Variants in PABIR3 observed in about 807,000 individuals in gnomAD.
The protein encoded by PABIR3 is PABIR family member 3.
A neutral mutation model predicts 23.1 loss-of-function variants in PABIR3; 20 were observed. That is an observed-to-expected ratio of 0.86 (90% CI 0.61 to 1.26). PABIR3 has a LOEUF of 1.26. Ranked by LOEUF, PABIR3 falls within the 50% of genes most tolerant of loss-of-function variation. The pLI is 0.00. For missense variants in PABIR3, 189 were observed against 195.4 expected (o/e 0.97, Z 0.20); for synonymous variants, 69 against 68.5 (o/e 1.01, Z -0.04).
chrX:134,809,375 C>G, intron 2 of PABIR3: 1 of 257,693 alleles, frequency 3.9e-6, no homozygotes, highest in Non-Finnish European at 5.4e-6. Context: ...CCGTGTTAGC[C>G]AGGATGGTCT....
chrX:134,821,332 T>G, intron 3 of PABIR3: 1 of 1,149,823 alleles, frequency 8.7e-7, no homozygotes, highest in Non-Finnish European at 1.1e-6. Flanking sequence ...CTCAGGAAAT[T>G]ACTTCACCCA....
Position 134,849,212 on chromosome X carries a change from A to G in PABIR3, c.573A>G (p.Gly191=), listed in dbSNP as rs1327809140. ...ACATTATTAGACCAAGTATCCTTGGACCATTAAAAAGAAAAGGTACTTTTA... is the reference window on the plus strand; with the variant it reads ...ACATTATTAGACCAAGTATCCTTGGGCCATTAAAAAGAAAAGGTACTTTTA... ...PTNIIRPSIL[G]PLKRKGEMAF... Residue 191 remains glycine, a synonymous_variant, in exon 9 of 11, where the codon GGA becomes GGG. Transcript: ENST00000645433. 8.5e-6 allele frequency: 8 copies of G among 941,504 alleles called. No individual in the cohort carries two copies. In the East Asian group the frequency reaches 2.0e-4, roughly 24 times the overall value. The allele number at this position is 941,504 out of a possible 1,213,427, so 77.6% of individuals were successfully genotyped here.
chrX:134,847,516 G>C (rs1339829771), intron 7 of PABIR3, 41 bp downstream of exon 7: 2 of 978,130 alleles, frequency 2.0e-6, no homozygotes, highest in Non-Finnish European at 2.9e-6. Flanking sequence ...TCTTGAAATA[G>C]TTAGGAAATA....
intron 3 of PABIR3, among the ~76,000 whole-genome samples, chrX:134,820,614 A>G (rs1457443726): frequency 1.8e-5 from 2 of 111,803 alleles, no homozygotes; most frequent in Non-Finnish European, 3.8e-5. Context: ...AACAGTGGGA[A>G]TGTACCTAAC....
chrX:134,813,825 G>A (rs1279104413), intron 2 of PABIR3, among the ~76,000 whole-genome samples: 1 of 110,948 alleles, frequency 9.0e-6, no homozygotes, highest in Non-Finnish European at 1.9e-5. Flanking sequence ...GTTCACTTGA[G>A]TGGGCAACCA....
chrX:134,807,850 C>T, intron 2 of PABIR3, 142 bp downstream of exon 2: 1 of 653,962 alleles, frequency 1.5e-6, no homozygotes. Context: ...AGATCCCACC[C>T]TCAACCTTGG....
chrX:134,822,196 A>C (rs2081323121), intron 3 of PABIR3: 1 of 751,040 alleles, frequency 1.3e-6, no homozygotes, highest in Admixed American at 8.9e-5. Context: ...ACAGTGGGAA[A>C]TTTACACAAA....
downstream of PABIR3, among the ~76,000 whole-genome samples, chrX:134,858,934 AAC>A (rs1309161226): frequency 8.9e-6 from 1 of 112,134 alleles, no homozygotes; most frequent in East Asian, 2.8e-4. Flanking sequence ...TACAGTCATT[AAC>A]TAAATCCTAT....
chrX:134,836,138 A>AT (rs2081965972), intron 4 of PABIR3, among the ~76,000 whole-genome samples: 1 of 111,367 alleles, frequency 9.0e-6, no homozygotes, highest in South Asian at 3.7e-4. Context: ...ACGCCTGGCC[A>AT]TTTTTTTAAA....
chrX:134,845,745 G>A (rs1018468007), intron 6 of PABIR3, among the ~76,000 whole-genome samples: 6 of 111,825 alleles, frequency 5.4e-5, no homozygotes, highest in African/African-American at 1.9e-4. Context: ...ATCATTATTT[G>A]AAAGTGGGGT....
intron 4 of PABIR3, among the ~76,000 whole-genome samples, chrX:134,843,509 C>G (rs1485985237): frequency 1.8e-5 from 2 of 108,732 alleles, no homozygotes; most frequent in East Asian, 5.7e-4. Context: ...ATTGAATGGT[C>G]CTGGCATCAC....
At chrX:134,850,861 G>A (rs1426661086) in intron 9 of PABIR3, among the ~76,000 whole-genome samples, 1 of 111,609 alleles carries the variant, frequency 9.0e-6, no homozygotes, top group East Asian at 2.8e-4. Context: ...ACTCCAAAGC[G>A]AATTCTGTAT....
chrX:134,814,965 C>G (rs902877224), intron 3 of PABIR3, 116 bp downstream of exon 3: 15 of 531,669 alleles, frequency 2.8e-5, no homozygotes, highest in Middle Eastern at 7.1e-4. Context: ...AGATGGCCAG[C>G]GGGAGTCTCA....
Position 134,845,478 on chromosome X carries a change from C to G in PABIR3, c.345+77C>G, listed in dbSNP as rs1322203782. 9.7e-6 allele frequency: 8 copies of G among 823,068 alleles called. No homozygotes were observed. In the East Asian group the frequency reaches 2.7e-4, roughly 27 times the overall value. 67.8% of individuals were successfully genotyped at this position (823,068 alleles called of 1,213,427 possible). A position where few individuals can be genotyped will look rare whatever the true frequency, so the allele number is the denominator to read the frequency against. On this transcript the variant is annotated intron_variant, in intron 6 of 10. Coordinates refer to ENST00000645433, the MANE Select transcript of PABIR3 (RefSeq NM_001388447.1). ...TACAGTGTCGGCATATCTAGTTTTG[C>G]TGTAATTTCTAGAAATCTAAGCTCT...
chrX:134,802,381 G>A (rs7058899), upstream of PABIR3, among the ~76,000 whole-genome samples: 7,854 of 111,469 alleles, frequency 0.07, 693 homozygotes, highest in African/African-American at 0.24. Flanking sequence ...CACCGTGCCC[G>A]GCCTCAAGTG....
Position 134,854,287 on chromosome X carries a change from A to G in PABIR3, c.*70A>G. Reference sequence around the variant, plus strand: ...TCACCAGTGGAGAAACACACACATCAAGCAAACCAAGTCAGAGCAATGAGA... The same window carrying G: ...TCACCAGTGGAGAAACACACACATCGAGCAAACCAAGTCAGAGCAATGAGA... On this transcript the variant is annotated 3_prime_UTR_variant, in exon 11 of 11. Coordinates refer to ENST00000645433, the MANE Select transcript of PABIR3 (RefSeq NM_001388447.1). The G allele has an allele frequency of 1.8e-5, 19 of 1,085,491 alleles. No individual in the cohort carries two copies. Among genetic ancestry groups the G allele is most frequent in the Non-Finnish European group, 1.9e-5 (15 of 809,273 alleles). The allele number at this position is 1,085,491 out of a possible 1,213,427, so 89.5% of individuals were successfully genotyped here.
At chrX:134,858,718 G>A (rs1367108866), downstream of PABIR3, among the ~76,000 whole-genome samples, 1 of 111,533 alleles carries the variant, frequency 9.0e-6, no homozygotes, top group Non-Finnish European at 1.9e-5. Flanking sequence ...ACGTAACTTC[G>A]TTTTCCTGAA....
chrX:134,826,333 A>T (rs2081506277), intron 3 of PABIR3, among the ~76,000 whole-genome samples: 1 of 111,002 alleles, frequency 9.0e-6, no homozygotes, highest in African/African-American at 3.3e-5. Flanking sequence ...ATACCACCTT[A>T]TGCCTTTCTT....
Position 134,839,962 on chromosome X carries a change from C to T in PABIR3, c.247-5243C>T, listed in dbSNP as rs757515966. Among the ~76,000 whole-genome samples the T allele has an allele frequency of 6.0e-3, 678 of 112,146 alleles. 2 individuals carry two copies. The highest frequency in any genetic ancestry group is 0.021 in the African/African-American group (649 of 30,934). The stretch of plus-strand genomic sequence containing the variant: ...AAAGATTGAGAAATCGGATGGTTGC[C>T]GTGTCTGTGTAGAAAGAAGTAGACA... On this transcript the variant is annotated intron_variant, in intron 4 of 10. Coordinates refer to ENST00000645433, the MANE Select transcript of PABIR3 (RefSeq NM_001388447.1).
Sources: gnomAD v4.1 joint callset for allele counts (sites outside exome capture counted in the v4.1 genomes callset) on GRCh38, gnomAD v4.1.1 for gene constraint, MANE v1.5 for transcripts, NCBI Gene and HGNC (gene_info 2026-07-23, HGNC 2026-07-21) for gene names.